The following SP140 variants were observed in gnomAD, a reference collection of about 807,000 sequenced individuals.
The protein encoded by SP140 is nuclear body protein SP140.
SP140 carries 81 observed loss-of-function variants against 125.0 expected under a neutral mutation model. That is an observed-to-expected ratio of 0.65 (90% CI 0.54 to 0.78). The LOEUF (loss-of-function observed/expected upper bound fraction) is 0.78. Among genes scored for constraint, SP140 ranks in the 30% least tolerant of loss-of-function variants. The pLI, the probability that SP140 is intolerant of heterozygous loss-of-function variation, is 0.00. For missense variants in SP140, 858 were observed against 1,037.0 expected, an observed-to-expected ratio of 0.83 and a Z score of 2.37; for synonymous variants, 312 against 354.0, an observed-to-expected ratio of 0.88 and a Z score of 1.33.
At chr2:230,213,246 A>G (rs1356827726) in intron 1 of SP140, among the ~76,000 whole-genome samples, 1 of 152,194 alleles carries the variant, frequency 6.6e-6, no homozygotes, top group Non-Finnish European at 1.5e-5. Flanking sequence ...AAGTGCATCT[A>G]AGCCCTGATC....
chr2:230,270,039 GTCCAGAATTCTATTC>G, intron 14 of SP140, 86 bp downstream of exon 14: 1 of 836,954 alleles, frequency 1.2e-6, no homozygotes, highest in Non-Finnish European at 2.0e-6. Context: ...GCTCCAGTCT[GTCCAGAATTCTATTC>G]TCCGCATTTG....
chr2:230,306,634 G>A (rs902359640), intron 22 of SP140, among the ~76,000 whole-genome samples: 1 of 152,262 alleles, frequency 6.6e-6, no homozygotes, highest in African/African-American at 2.4e-5. Flanking sequence ...CAGGGTTGGG[G>A]CTGAGCCCAG....
In SP140 at chr2:230,269,599, G is replaced by A; in HGVS notation, c.1308G>A (p.Leu436=). 1 of 1,582,372 alleles carries A rather than the reference G, an allele frequency of 6.3e-7. No individual in the cohort carries two copies. The highest frequency in any genetic ancestry group is 8.6e-7 in the Non-Finnish European group (1 of 1,160,246). ...EGESEELASS[L]LYDNVPGAEQ... Reference sequence around the variant, plus strand: ...AATCAGAAGAGCTTGCTTCTAGCCTGCTATATGATAATGTACCAGGTAATT... The same window carrying A: ...AATCAGAAGAGCTTGCTTCTAGCCTACTATATGATAATGTACCAGGTAATT... The change falls in exon 13 of 27, where the codon CTG becomes CTA. Residue 436 remains leucine (L), a synonymous_variant. Transcript: ENST00000392045.
intron 12 of SP140, among the ~76,000 whole-genome samples, chr2:230,261,571 A>G (rs1024620171): frequency 4.6e-5 from 7 of 152,050 alleles, no homozygotes; most frequent in African/African-American, 1.7e-4. Flanking sequence ...CCCATTCAGT[A>G]TTATGTTGGC....
chr2:230,201,384 G>T (rs2043170727), upstream of SP140, among the ~76,000 whole-genome samples: 1 of 152,164 alleles, frequency 6.6e-6, no homozygotes, highest in African/African-American at 2.4e-5. Flanking sequence ...AAGAGCAATG[G>T]CAGATAAAAC....
In SP140 at chr2:230,248,967, A is replaced by C; in HGVS notation, c.975A>C (p.Glu325Asp). The change falls in exon 9 of 27, where the codon GAA becomes GAC. Residue 325 changes from glutamate (E) to aspartate (D), a missense_variant and splice_region_variant. Coordinates refer to ENST00000392045, the MANE Select transcript of SP140 (RefSeq NM_007237.5). The part of the protein sequence containing the change: ...KGLCLLPGEG[E>D]EGSDDCSEMC... ...TCTGTCTACTACCAGGTGAAGGAGA[A>C]GGTAATTATGATTTAAGTTTTTAAA... 6.2e-7 allele frequency: 1 copy of C among 1,605,950 alleles called. No homozygotes were observed. The highest frequency in any genetic ancestry group is 1.1e-5 in the South Asian group (1 of 90,788).
upstream of SP140, among the ~76,000 whole-genome samples, chr2:230,199,415 G>A (rs998422567): frequency 6.6e-6 from 1 of 151,408 alleles, no homozygotes; most frequent in African/African-American, 2.4e-5. Context: ...CATCATGCTG[G>A]CCAGGCTGGT....
In SP140 at chr2:230,312,667, A is replaced by G. The variant is rs200098062; in HGVS notation, c.2587A>G (p.Thr863Ala). 112 of 1,609,108 alleles carry G rather than the reference A, an allele frequency of 7.0e-5. No individual in the cohort carries two copies. Among genetic ancestry groups the G allele is most frequent in the Non-Finnish European group, 8.2e-5 (97 of 1,175,966 alleles). Residue 863 changes from threonine (T) to alanine (A), a missense_variant, in exon 27 of 27, where the codon ACA becomes GCA. Thr to Ala is a moderately conservative substitution (Grantham distance 58). This residue lies in a region of SP140 where 43 missense variants were observed against 35.1 expected (regional missense o/e 1.23). Transcript: ENST00000392045. ...CAAGGAAGTGTTTGCTATTCAGGAA[A>G]CAAATGGGAACAATTGACTGGATTA... ...NFKEVFAIQE[T>A]NGNN is the part of the protein sequence containing the mutation.
At chr2:230,188,855 T>C in the SP140 span, among the ~76,000 whole-genome samples, 1 of 152,182 alleles carries the variant, frequency 6.6e-6, no homozygotes, top group African/African-American at 2.4e-5. Context: ...ATTATATTTT[T>C]GATGGGCTGC....
the SP140 span, among the ~76,000 whole-genome samples, chr2:230,189,548 T>C: frequency 6.6e-6 from 1 of 152,194 alleles, no homozygotes; most frequent in South Asian, 2.1e-4. Context: ...TCTGAGGAGA[T>C]ACTTAATATA....
upstream of SP140, among the ~76,000 whole-genome samples, chr2:230,223,618 A>G (rs2045994783): frequency 1.3e-5 from 2 of 152,362 alleles, no homozygotes; most frequent in African/African-American, 4.8e-5. Flanking sequence ...TCAAGGAAAT[A>G]TGATCAATCT....
chr2:230,316,159 T>C (rs188476205), downstream of SP140, among the ~76,000 whole-genome samples: 218 of 152,338 alleles, frequency 1.4e-3, 2 homozygotes, highest in African/African-American at 5.0e-3. Context: ...TTCATGGGCC[T>C]GATAAGTGAG....
At chr2:230,239,901 A>G (rs183517097) in intron 3 of SP140, among the ~76,000 whole-genome samples, 360 of 152,284 alleles carry the variant, frequency 2.4e-3, no homozygotes, top group Non-Finnish European at 3.4e-3. Context: ...GAATGATGTT[A>G]CTTCTACTGC....
At chr2:230,307,988 T>TATATATATATATATAC (rs1553607408) in intron 22 of SP140, among the ~76,000 whole-genome samples, 4 of 74,450 alleles carry the variant, frequency 5.4e-5, no homozygotes, top group Admixed American at 2.6e-4. Context: ...TATATATATA[T>TATATATATATATATAC]ATACACACAC....
At chr2:230,221,562 C>T, upstream of SP140, 1 of 843,158 alleles carries the variant, frequency 1.2e-6, no homozygotes, top group East Asian at 2.7e-5. Flanking sequence ...ATGGAAGCCA[C>T]AGCCAGGAAA....
intron 12 of SP140, among the ~76,000 whole-genome samples, chr2:230,266,481 C>A (rs557978871): frequency 1.2e-4 from 19 of 152,296 alleles, no homozygotes; most frequent in Admixed American, 2.6e-4. Flanking sequence ...TGCTGCATGA[C>A]AAATAACCAC....
rs1289592751 is a variant in SP140, at chr2:230,237,006, A to C, written c.60-77A>C. The stretch of plus-strand genomic sequence containing the variant: ...GTTGGCTCTCCATTGGCCATCCTTC[A>C]TGTCTAAAATCTTCTAACCACCACA... On this transcript the variant is annotated intron_variant, in intron 1 of 26. Coordinates refer to ENST00000392045, the MANE Select transcript of SP140 (RefSeq NM_007237.5). This position sits in a 1 kb window ranked among gnomAD's most constrained non-coding sequence, Gnocchi z 5.4. 2.6e-6 allele frequency: 3 copies of C among 1,167,454 alleles called. No homozygotes were observed. Among genetic ancestry groups the C allele is most frequent in the East Asian group, 2.6e-5 (1 of 38,808 alleles). The allele number at this position is 1,167,454 out of a possible 1,614,324, so 72.3% of individuals were successfully genotyped here.
chr2:230,274,958 T>G (rs2054497797), intron 15 of SP140, among the ~76,000 whole-genome samples: 1 of 152,166 alleles, frequency 6.6e-6, no homozygotes, highest in South Asian at 2.1e-4. Flanking sequence ...CTTGCCAACT[T>G]AACTGTAAAA....
In SP140 at chr2:230,245,908, A is replaced by T. The variant is rs201283540; in HGVS notation, c.710A>T (p.Glu237Val). Reference protein sequence around the residue: ...AIQIDEGESEEMPKLLPYDTE... With the variant: ...AIQIDEGESEVMPKLLPYDTE... ...CAAATAGATGAAGGAGAATCAGAAG[A>T]AATGCCCAAGTTACTGCCTTATGAT... Residue 237 changes from glutamate (E) to valine (V), a missense_variant, in exon 7 of 27, where the codon GAA (glutamate) becomes GTA (valine). Physicochemically the swap from Glu to Val is moderately radical, Grantham distance 121 (BLOSUM62 -2). Transcript: ENST00000392045. 40 of 1,606,574 alleles carry T rather than the reference A, an allele frequency of 2.5e-5. No homozygotes were observed. The highest frequency in any genetic ancestry group is 1.7e-6 in the Non-Finnish European group (2 of 1,173,286).
Sources: allele counts gnomAD v4.1 joint callset (sites outside exome capture counted in the v4.1 genomes callset), GRCh38; gene constraint gnomAD v4.1.1; regional missense constraint gnomAD v4.1.1; non-coding constraint Gnocchi (gnomAD v3.1); transcripts MANE v1.5; gene names NCBI Gene and HGNC (gene_info 2026-07-23, HGNC 2026-07-21).